The following FMN1 variants were observed in gnomAD, a reference collection of about 807,000 sequenced individuals.
The protein encoded by FMN1 is formin 1.
A neutral mutation model predicts 132.4 loss-of-function variants in FMN1; 110 were observed. The ratio of observed to expected loss-of-function variants is 0.83; its 90% CI spans 0.71 to 0.97. The LOEUF (loss-of-function observed/expected upper bound fraction) is 0.97. FMN1 is among the 50% of genes least tolerant of loss of function. The pLI is 0.00. For synonymous variants in FMN1, 722 were observed against 651.7 expected, an observed-to-expected ratio of 1.11 and a Z score of -1.64; for missense variants, 1,792 against 1,705.3, an observed-to-expected ratio of 1.05 and a Z score of -0.90.
At chr15:33,049,565 A>C (rs1219785621) in intron 6 of FMN1, among the ~76,000 whole-genome samples, 3 of 152,234 alleles carry the variant, frequency 2.0e-5, no homozygotes, top group Non-Finnish European at 2.9e-5. Context: ...AATTGAGAAA[A>C]TGACCAAAAG....
At position 32,984,486 on chromosome 15, in the gene FMN1, C is replaced by T. The variant is rs114501297; in HGVS notation, c.2224-15009G>A. 3.1e-3 allele frequency among the ~76,000 whole-genome samples: 467 copies of T among 152,206 alleles called. 3 individuals are homozygous for T. Among genetic ancestry groups the T allele is most frequent in the Middle Eastern group, 0.01 (3 of 294 alleles). ...TGTAAAATGAGGATGATAATACCCA[C>T]CTTGCTTCTTGATATATTTTTCATG... is the stretch of plus-strand genomic sequence containing the variant. On this transcript the variant is annotated intron_variant, in intron 7 of 20. Transcript: ENST00000616417.
At chr15:32,801,051 T>C (rs544918909) in intron 18 of FMN1, among the ~76,000 whole-genome samples, 2 of 152,240 alleles carry the variant, frequency 1.3e-5, no homozygotes, top group Non-Finnish European at 2.9e-5. Flanking sequence ...AGTCCAGTTA[T>C]TGTGCTTCAT....
At chr15:32,912,110 A>C (rs2060575816) in intron 10 of FMN1, among the ~76,000 whole-genome samples, 1 of 152,256 alleles carries the variant, frequency 6.6e-6, no homozygotes, top group South Asian at 2.1e-4. Flanking sequence ...CATGTTAACT[A>C]ATCATGCATC....
At chr15:33,145,132 G>A (rs1964166062) in intron 4 of FMN1, among the ~76,000 whole-genome samples, 1 of 152,012 alleles carries the variant, frequency 6.6e-6, no homozygotes, top group Non-Finnish European at 1.5e-5. Context: ...GTGTGCTCGT[G>A]GATGTAATCC....
chr15:32,855,991 TCTC>T (rs1305128503), intron 17 of FMN1, among the ~76,000 whole-genome samples: 2 of 152,198 alleles, frequency 1.3e-5, no homozygotes, highest in Non-Finnish European at 2.9e-5. Flanking sequence ...AAATCTGACT[TCTC>T]CTACTTCAAT....
At chr15:32,821,343 C>T (rs1047340236) in intron 17 of FMN1, among the ~76,000 whole-genome samples, 2 of 151,780 alleles carry the variant, frequency 1.3e-5, no homozygotes, top group African/African-American at 4.8e-5. Flanking sequence ...TACTTTTTCA[C>T]CTTTTCCTAA....
intron 4 of FMN1, among the ~76,000 whole-genome samples, chr15:33,126,550 T>C (rs903024353): frequency 2.0e-5 from 3 of 151,954 alleles, no homozygotes; most frequent in African/African-American, 4.8e-5. Flanking sequence ...AAAAACTCCA[T>C]AGATTTAGCT....
intron 6 of FMN1, chr15:33,012,199 G>A (rs766008025): frequency 9.3e-5 from 57 of 610,968 alleles, no homozygotes; most frequent in African/African-American, 1.3e-4. Flanking sequence ...TGAAACCACC[G>A]ATAAGTGCCT....
At chr15:33,091,068 C>G (rs1335702414) in intron 4 of FMN1, among the ~76,000 whole-genome samples, 7 of 152,118 alleles carry the variant, frequency 4.6e-5, no homozygotes, top group Admixed American at 3.9e-4. Context: ...TTTGAAGTAG[C>G]TGCTGGCTTT....
chr15:33,122,857 C>T (rs1483653997), intron 4 of FMN1, among the ~76,000 whole-genome samples: 2 of 152,174 alleles, frequency 1.3e-5, no homozygotes, highest in African/African-American at 4.8e-5. Flanking sequence ...AAGAGATTGA[C>T]ATAGTATAGG....
At chr15:32,836,992 A>G (rs116007564) in intron 17 of FMN1, 2,719 of 228,780 alleles carry the variant, frequency 0.012, 76 homozygotes, top group African/African-American at 0.059. Flanking sequence ...TACACTGACA[A>G]TTTCATTCCA....
chr15:33,067,150 T>C, intron 5 of FMN1: 1 of 1,613,994 alleles, frequency 6.2e-7, no homozygotes, highest in South Asian at 1.1e-5. Context: ...GGTTTGTTAC[T>C]GCAGGTAGGT....
At chr15:33,049,296 C>T (rs1169189112) in intron 6 of FMN1, among the ~76,000 whole-genome samples, 1 of 152,046 alleles carries the variant, frequency 6.6e-6, no homozygotes, top group African/African-American at 2.4e-5. Context: ...CAAAACCAAA[C>T]AAAAATGAAG....
Position 33,147,917 on chromosome 15 carries a change from C to T in FMN1, c.1867+5131G>A, listed in dbSNP as rs544764380. ...CTCAAACACTGTTAAATTTTAAGAGCTTTGTGTGTTGTTTTTTGAAAAAAA... is the reference window on the plus strand; with the variant it reads ...CTCAAACACTGTTAAATTTTAAGAGTTTTGTGTGTTGTTTTTTGAAAAAAA... On this transcript the variant is annotated intron_variant, in intron 4 of 20. Transcript: ENST00000616417. 3.9e-5 allele frequency among the ~76,000 whole-genome samples: 6 copies of T among 151,942 alleles called. No individual in the cohort carries two copies. In the East Asian group the frequency reaches 5.8e-4, roughly 15 times the overall value.
In FMN1 at chr15:32,770,281, G is replaced by A. The variant is rs1259089993; in HGVS notation, c.*4029C>T. The A allele has an allele frequency of 6.6e-6, 1 of 152,188 alleles. No homozygotes were observed. Among genetic ancestry groups the A allele is most frequent in the Admixed American group, 6.5e-5 (1 of 15,282 alleles). 9.4% of individuals were successfully genotyped at this position (152,188 alleles called of 1,614,324 possible). ...ACACACTGACTTGGCGCAATTTGCT[G>A]TGCTGTTGTATGCAATGATCTGCAT... is the stretch of plus-strand genomic sequence containing the variant. On this transcript the variant is annotated 3_prime_UTR_variant, in exon 21 of 21. Coordinates refer to ENST00000616417, the MANE Select transcript of FMN1 (RefSeq NM_001277313.2).
chr15:32,974,316 A>C (rs977372178), intron 7 of FMN1, among the ~76,000 whole-genome samples: 2 of 152,172 alleles, frequency 1.3e-5, no homozygotes, highest in African/African-American at 2.4e-5. Context: ...TCCAGTCTTT[A>C]AGTTTTACCT....
chr15:33,067,799 A>G, intron 5 of FMN1: 1 of 1,614,000 alleles, frequency 6.2e-7, no homozygotes, highest in South Asian at 1.1e-5. Flanking sequence ...CTTACTCAGG[A>G]TCGACTGAGC....
intron 17 of FMN1, among the ~76,000 whole-genome samples, chr15:32,812,753 CG>C (rs1409142981): frequency 1.3e-5 from 2 of 152,174 alleles, no homozygotes; most frequent in African/African-American, 4.8e-5. Context: ...CGATGATATT[CG>C]TAAAATATCT....
At chr15:32,844,977 G>A (rs572117896) in intron 17 of FMN1, among the ~76,000 whole-genome samples, 4 of 152,250 alleles carry the variant, frequency 2.6e-5, no homozygotes, top group South Asian at 2.1e-4. Context: ...AAACATACCC[G>A]TATTATTTGA....
Sources: allele counts gnomAD v4.1 joint callset (sites outside exome capture counted in the v4.1 genomes callset), GRCh38; gene constraint gnomAD v4.1.1; transcripts MANE v1.5; gene names NCBI Gene and HGNC (gene_info 2026-07-23, HGNC 2026-07-21).